Variants in CTNND2 observed in about 807,000 individuals in gnomAD.
CTNND2 encodes the protein catenin delta-2.
In CTNND2, 22 loss-of-function variants were observed where a neutral mutation model predicts 144.4. That is an observed-to-expected ratio of 0.15 (90% confidence interval 0.11 to 0.22). The LOEUF (loss-of-function observed/expected upper bound fraction) is 0.22, where lower values mean the gene tolerates loss of function less well. CTNND2 is among the 10% of genes least tolerant of loss of function. The probability of loss-of-function intolerance (pLI) is 1.00; values close to 1 mark genes in which losing one functional copy is unlikely to be tolerated. For synonymous variants in CTNND2, 751 were observed against 695.6 expected, an observed-to-expected ratio of 1.08 and a Z score of -1.25; for missense variants, 1,353 against 1,618.8, an observed-to-expected ratio of 0.84 and a Z score of 2.82.
At chr5:11,673,415 T>C (rs897639280) in intron 2 of CTNND2, among the ~76,000 whole-genome samples, 1 of 152,222 alleles carries the variant, frequency 6.6e-6, no homozygotes, top group Non-Finnish European at 1.5e-5. Flanking sequence ...TTGTGGGTTT[T>C]GTGGTCTTTT....
intron 1 of CTNND2, among the ~76,000 whole-genome samples, chr5:11,898,129 T>C (rs1467882730): frequency 6.6e-6 from 1 of 152,190 alleles, no homozygotes; most frequent in African/African-American, 2.4e-5. Flanking sequence ...CACACCAAGC[T>C]ATGTCTAATC....
intron 11 of CTNND2, among the ~76,000 whole-genome samples, chr5:11,170,987 A>G (rs531225535): frequency 6.6e-6 from 1 of 152,280 alleles, no homozygotes; most frequent in Admixed American, 6.5e-5. Context: ...TGAGAACAGT[A>G]TGGGAAAAAC....
In CTNND2 at chr5:11,802,601, T is replaced by C. The variant is rs956367207; in HGVS notation, c.38-70329A>G. Among the ~76,000 whole-genome samples the C allele has an allele frequency of 3.3e-5, 5 of 152,086 alleles. No homozygotes were observed. The East Asian group carries it at 5.8e-4, about 18-fold the overall frequency. Reference sequence around the variant, plus strand: ...AAAAACGAATCTTCTAATCATACTATGTAAGTATTTCAGTTAATTATGACT... The same window carrying C: ...AAAAACGAATCTTCTAATCATACTACGTAAGTATTTCAGTTAATTATGACT... On this transcript the variant is annotated intron_variant, in intron 1 of 21. Transcript: ENST00000304623.
chr5:11,022,954 G>C lies in CTNND2; in HGVS notation c.2814C>G (p.Val938=). ...LIGKYAMRDL[V]HRLPGGNNSN... ...TGTTGTTCCCTCCTGGAAGCCTGTG[G>C]ACTAGGTCTCGCATGGCGTATTTGC... is the stretch of plus-strand genomic sequence containing the variant. Residue 938 remains valine, a synonymous_variant, in exon 17 of 22, where the codon GTC becomes GTG. Transcript: ENST00000304623. 1 of 1,614,182 alleles carries C rather than the reference G, an allele frequency of 6.2e-7. No individual in the cohort carries two copies. Among genetic ancestry groups the C allele is most frequent in the Non-Finnish European group, 8.5e-7 (1 of 1,180,020 alleles).
intron 9 of CTNND2, among the ~76,000 whole-genome samples, chr5:11,336,191 GC>G (rs902486494): frequency 1.4e-4 from 22 of 152,114 alleles, no homozygotes; most frequent in African/African-American, 5.1e-4. Flanking sequence ...AAAAATCTCT[GC>G]TTTTGTTGCT....
chr5:11,867,835 T>C (rs1238504254), intron 1 of CTNND2, among the ~76,000 whole-genome samples: 1 of 151,610 alleles, frequency 6.6e-6, no homozygotes, highest in East Asian at 1.9e-4. Flanking sequence ...ATTAAAATAA[T>C]GTACTATTTA....
intron 15 of CTNND2, among the ~76,000 whole-genome samples, chr5:11,090,029 T>C (rs1295978204): frequency 1.3e-5 from 2 of 152,070 alleles, no homozygotes; most frequent in African/African-American, 4.8e-5. Context: ...AATAGATAGA[T>C]AGATAAATAA....
At chr5:11,649,507 G>A (rs1331526161) in intron 2 of CTNND2, among the ~76,000 whole-genome samples, 1 of 151,934 alleles carries the variant, frequency 6.6e-6, no homozygotes, top group Non-Finnish European at 1.5e-5. Context: ...AGTAGAGATG[G>A]GGTTTCACCA....
intron 11 of CTNND2, among the ~76,000 whole-genome samples, chr5:11,181,701 G>A (rs1260247636): frequency 6.6e-6 from 1 of 150,490 alleles, no homozygotes. Context: ...TGTGTGTGTG[G>A]TGTATGCGTG....
At chr5:11,452,725 G>A (rs545645811) in intron 3 of CTNND2, among the ~76,000 whole-genome samples, 43 of 152,066 alleles carry the variant, frequency 2.8e-4, no homozygotes, top group African/African-American at 9.2e-4. Context: ...ATAAAATATC[G>A]GCTGGTTTCA....
At chr5:11,783,548 T>C (rs1015563934) in intron 1 of CTNND2, among the ~76,000 whole-genome samples, 1 of 151,972 alleles carries the variant, frequency 6.6e-6, no homozygotes, top group South Asian at 2.1e-4. Flanking sequence ...CTAGACCAGC[T>C]TGGTTTTTCA....
chr5:11,548,115 G>C (rs1037252918), intron 3 of CTNND2, among the ~76,000 whole-genome samples: 1 of 152,192 alleles, frequency 6.6e-6, no homozygotes, highest in Non-Finnish European at 1.5e-5. Context: ...TCTGCACAGA[G>C]TGCAGCAAAA....
intron 2 of CTNND2, among the ~76,000 whole-genome samples, chr5:11,621,604 A>ATACAATATGG (rs2126427729): frequency 6.6e-6 from 1 of 152,348 alleles, no homozygotes; most frequent in African/African-American, 2.4e-5. Context: ...TACATAACAA[A>ATACAATATGG]TACAATATGG....
At chr5:11,212,820 A>G (rs1250480841) in intron 10 of CTNND2, among the ~76,000 whole-genome samples, 1 of 152,138 alleles carries the variant, frequency 6.6e-6, no homozygotes, top group Non-Finnish European at 1.5e-5. Context: ...CCCAGAGGTA[A>G]GAGACAGGGA....
intron 3 of CTNND2, among the ~76,000 whole-genome samples, chr5:11,466,092 C>T (rs1766651505): frequency 6.6e-6 from 1 of 152,162 alleles, no homozygotes; most frequent in African/African-American, 2.4e-5. Context: ...TCACTGCAAC[C>T]TTGGACTCAA....
intron 2 of CTNND2, among the ~76,000 whole-genome samples, chr5:11,695,314 T>C (rs11948660): frequency 0.13 from 20,394 of 152,138 alleles, 4,486 homozygotes; most frequent in African/African-American, 0.46. Context: ...TAATACCCTA[T>C]CATAATCTCT....
chr5:11,737,539 G>C (rs2126755644), intron 1 of CTNND2, among the ~76,000 whole-genome samples: 1 of 152,302 alleles, frequency 6.6e-6, no homozygotes, highest in South Asian at 2.1e-4. Context: ...GTACCAACAA[G>C]TCCTATGTCC....
intron 1 of CTNND2, among the ~76,000 whole-genome samples, chr5:11,735,977 C>A (rs1787661130): frequency 6.6e-6 from 1 of 152,050 alleles, no homozygotes; most frequent in Admixed American, 6.6e-5. Flanking sequence ...TTTTATTGGG[C>A]CCATGCTAAT....
chr5:10,986,297 G>A lies in CTNND2; in HGVS notation c.3343+1814C>T, dbSNP rs970483032. ...ATTGGAACTGTTTTGACATAAACAC[G>A]CACACCCACACCTGAAGGCCTTTTG... On this transcript the variant is annotated intron_variant, in intron 20 of 21. Transcript: ENST00000304623. Among the ~76,000 whole-genome samples, 5 of 152,170 alleles carry A rather than the reference G, an allele frequency of 3.3e-5. No individual in the cohort carries two copies. The East Asian group carries it at 5.8e-4, about 18-fold the overall frequency.
Sources: allele counts gnomAD v4.1 joint callset (sites outside exome capture counted in the v4.1 genomes callset), GRCh38; gene constraint gnomAD v4.1.1; transcripts MANE v1.5; gene names NCBI Gene and HGNC (gene_info 2026-07-23, HGNC 2026-07-21).